Variants in CDKAL1 observed in about 807,000 individuals in gnomAD.
CDKAL1 encodes CDKAL1 threonylcarbamoyladenosine tRNA methylthiotransferase.
CDKAL1 carries 32 observed loss-of-function variants against 68.2 expected under a neutral mutation model. The ratio of observed to expected loss-of-function variants is 0.47; its 90% confidence interval spans 0.35 to 0.63. The LOEUF is 0.63. Ranked by LOEUF, CDKAL1 falls within the 30% of genes least tolerant of loss-of-function variation. The probability of loss-of-function intolerance (pLI) is 0.00; values close to 1 mark genes in which losing one functional copy is unlikely to be tolerated. For synonymous variants in CDKAL1, 234 were observed against 244.3 expected (o/e 0.96, Z 0.39); for missense variants, 606 against 696.7 (o/e 0.87, Z 1.47).
intron 7 of CDKAL1, among the ~76,000 whole-genome samples, chr6:20,771,700 G>A (rs1437715514): frequency 6.6e-6 from 1 of 152,150 alleles, no homozygotes; most frequent in Non-Finnish European, 1.5e-5. Flanking sequence ...GAATGGCTTG[G>A]TGCTGTACTG....
At chr6:21,044,681 A>G (rs981768214) in intron 11 of CDKAL1, among the ~76,000 whole-genome samples, 19 of 152,202 alleles carry the variant, frequency 1.2e-4, no homozygotes, top group African/African-American at 3.4e-4. Flanking sequence ...AGCTGGTTTG[A>G]AAGGCAGTAG....
chr6:21,065,638 T>C (rs1305728085), intron 12 of CDKAL1, among the ~76,000 whole-genome samples: 2 of 151,422 alleles, frequency 1.3e-5, no homozygotes, highest in African/African-American at 4.9e-5. Context: ...CTAGTTTTGC[T>C]GCTTTTCTAT....
intron 11 of CDKAL1, among the ~76,000 whole-genome samples, chr6:21,050,940 A>G (rs114682833): frequency 0.013 from 1,940 of 152,318 alleles, 45 homozygotes; most frequent in African/African-American, 0.044. Context: ...TTATAAGTCT[A>G]CTGTGAAAAA....
intron 11 of CDKAL1, among the ~76,000 whole-genome samples, chr6:21,058,411 C>T (rs1351850519): frequency 6.6e-6 from 1 of 152,188 alleles, no homozygotes; most frequent in Admixed American, 6.5e-5. Flanking sequence ...TGTGTCTTTG[C>T]ACATGAGATG....
intron 10 of CDKAL1, among the ~76,000 whole-genome samples, chr6:20,992,795 G>A (rs182275904): frequency 6.6e-6 from 1 of 151,818 alleles, no homozygotes; most frequent in East Asian, 1.9e-4. Context: ...CCATCTACTC[G>A]AGAGGCTGAG....
intron 10 of CDKAL1, among the ~76,000 whole-genome samples, chr6:20,981,139 A>G (rs1581956886): frequency 6.6e-6 from 1 of 150,798 alleles, no homozygotes; most frequent in East Asian, 1.9e-4. Flanking sequence ...ACAAGGAAAT[A>G]TTGCGTTCAT....
intron 4 of CDKAL1, among the ~76,000 whole-genome samples, chr6:20,606,744 T>C (rs1766351811): frequency 6.6e-6 from 1 of 152,234 alleles, no homozygotes; most frequent in Admixed American, 6.5e-5. Context: ...GAAAGAAAAC[T>C]AACTTTCATG....
intron 4 of CDKAL1, among the ~76,000 whole-genome samples, chr6:20,626,437 T>A (rs756658875): frequency 4.6e-5 from 7 of 152,166 alleles, no homozygotes; most frequent in Non-Finnish European, 1.0e-4. Flanking sequence ...AAGTAATATA[T>A]GAGAATATAT....
At chr6:20,541,109 A>G (rs1763372014) in intron 2 of CDKAL1, among the ~76,000 whole-genome samples, 1 of 152,178 alleles carries the variant, frequency 6.6e-6, no homozygotes, top group African/African-American at 2.4e-5. Flanking sequence ...AGGACGCAGA[A>G]TTTTCTAAAT....
At position 21,230,798 on chromosome 6, in the gene CDKAL1, G is replaced by A. The variant is rs370769727; in HGVS notation, c.1549-50G>A. 34 of 1,424,468 alleles carry A rather than the reference G, an allele frequency of 2.4e-5. No homozygotes were observed. In the African/African-American group the frequency reaches 4.3e-4, roughly 18 times the overall value. The allele number at this position is 1,424,468 out of a possible 1,614,324, so 88.2% of individuals were successfully genotyped here. A position where few individuals can be genotyped will look rare whatever the true frequency, so the allele number is the denominator to read the frequency against. ...ATTGCTTGATTGATATCACAACAGGGCTTTCTCTGCATCTAAAAATAATTT... is the reference window on the plus strand; with the variant it reads ...ATTGCTTGATTGATATCACAACAGGACTTTCTCTGCATCTAAAAATAATTT... On this transcript the variant is annotated intron_variant, in intron 15 of 15. Transcript: ENST00000274695.
intron 9 of CDKAL1, among the ~76,000 whole-genome samples, chr6:20,923,008 G>A (rs1443607426): frequency 1.3e-5 from 2 of 152,148 alleles, no homozygotes; most frequent in Non-Finnish European, 2.9e-5. Flanking sequence ...AAACCTAGAA[G>A]TCATAGAAGA....
chr6:20,770,956 G>A (rs955837435), intron 7 of CDKAL1, among the ~76,000 whole-genome samples: 15 of 152,054 alleles, frequency 9.9e-5, no homozygotes, highest in African/African-American at 3.6e-4. Flanking sequence ...ACTCCCTTGT[G>A]GTGTCTCTCT....
At chr6:20,852,199 G>A (rs767787220) in intron 9 of CDKAL1, among the ~76,000 whole-genome samples, 9 of 152,146 alleles carry the variant, frequency 5.9e-5, no homozygotes, top group Non-Finnish European at 5.9e-5. Context: ...GCTGTATTGT[G>A]TTTTGAAAGA....
At chr6:21,037,008 T>C (rs747299409) in intron 11 of CDKAL1, among the ~76,000 whole-genome samples, 55 of 152,326 alleles carry the variant, frequency 3.6e-4, no homozygotes, top group South Asian at 6.2e-4. Context: ...TTGCTCATCA[T>C]TGATAAAGTT....
At chr6:20,673,313 T>A (rs1346284472) in intron 5 of CDKAL1, among the ~76,000 whole-genome samples, 1 of 152,228 alleles carries the variant, frequency 6.6e-6, no homozygotes, top group African/African-American at 2.4e-5. Context: ...CTCAAGTGCC[T>A]GATATTAAAT....
At chr6:20,862,672 CAT>C (rs1759706404) in intron 9 of CDKAL1, among the ~76,000 whole-genome samples, 1 of 148,928 alleles carries the variant, frequency 6.7e-6, no homozygotes, top group African/African-American at 2.5e-5. Context: ...TGCGCGCGTG[CAT>C]GCGCGCGTGC....
At chr6:20,674,267 G>C (rs1361386239) in intron 5 of CDKAL1, among the ~76,000 whole-genome samples, 1 of 151,974 alleles carries the variant, frequency 6.6e-6, no homozygotes, top group Admixed American at 6.6e-5. Flanking sequence ...TTTGTCTTTT[G>C]TCTAATTACA....
intron 6 of CDKAL1, among the ~76,000 whole-genome samples, chr6:20,750,951 GAAAAAAAAAAAA>G (rs59244637): frequency 3.0e-4 from 14 of 47,070 alleles, no homozygotes; most frequent in East Asian, 2.3e-3. Flanking sequence ...GCAACAGAGT[GAAAAAAAAAAAA>G]AAAAAAAAAA....
At chr6:21,040,906 A>G (rs925981321) in intron 11 of CDKAL1, among the ~76,000 whole-genome samples, 8 of 152,108 alleles carry the variant, frequency 5.3e-5, no homozygotes, top group Non-Finnish European at 1.0e-4. Context: ...GAAGATGAGA[A>G]ACTGATAAGA....
Sources: gnomAD v4.1 joint callset for allele counts (sites outside exome capture counted in the v4.1 genomes callset) on GRCh38, gnomAD v4.1.1 for gene constraint, MANE v1.5 for transcripts, NCBI Gene and HGNC (gene_info 2026-07-23, HGNC 2026-07-21) for gene names.